TAX1BP1: variants seen among roughly 807,000 people sequenced by gnomAD.
TAX1BP1 encodes Tax1 binding protein 1, also known as tax1-binding protein 1.
In TAX1BP1, 62 loss-of-function variants were observed where a neutral mutation model predicts 97.7. The observed-to-expected ratio is 0.63, with a 90% CI of 0.52 to 0.78. The LOEUF (loss-of-function observed/expected upper bound fraction) is 0.78, where lower values mean the gene tolerates loss of function less well. Among genes scored for constraint, TAX1BP1 ranks in the 30% least tolerant of loss-of-function variants. The pLI is 0.00. For missense variants in TAX1BP1, 867 were observed against 916.1 expected, an observed-to-expected ratio of 0.95 and a Z score of 0.69; for synonymous variants, 340 against 304.2, an observed-to-expected ratio of 1.12 and a Z score of -1.23.
chr7:27,766,687 G>A (rs1336878944), intron 4 of TAX1BP1, among the ~76,000 whole-genome samples: 2 of 152,038 alleles, frequency 1.3e-5, no homozygotes, highest in East Asian at 1.9e-4. Flanking sequence ...TTGTGGTGGC[G>A]TAATCAGTTC....
intron 12 of TAX1BP1, among the ~76,000 whole-genome samples, chr7:27,799,379 G>A (rs980024277): frequency 4.6e-5 from 7 of 152,178 alleles, no homozygotes; most frequent in Non-Finnish European, 8.8e-5. Context: ...GTAGAGAAGA[G>A]CAATGTATAA....
chr7:27,814,928 G>A (rs187863091), intron 13 of TAX1BP1, among the ~76,000 whole-genome samples: 1 of 152,114 alleles, frequency 6.6e-6, no homozygotes, highest in Admixed American at 6.5e-5. Flanking sequence ...TAGTAGAGAC[G>A]GGATTCCACC....
In TAX1BP1 at chr7:27,787,511, A is replaced by C. The variant is rs778797677; in HGVS notation, c.946A>C (p.Thr316Pro). 1 of 1,613,680 alleles carries C rather than the reference A, an allele frequency of 6.2e-7. No individual in the cohort carries two copies. The highest frequency in any genetic ancestry group is 8.5e-7 in the Non-Finnish European group (1 of 1,179,800). The change falls in exon 8 of 17, where the codon ACT (threonine) becomes CCT (proline). Residue 316 changes from threonine to proline, a missense_variant. By Grantham distance (38) the Thr-to-Pro change is conservative (BLOSUM62 -1). This residue lies in a region of TAX1BP1 where 822 missense variants were observed against 851.4 expected (regional missense o/e 0.97). Coordinates refer to ENST00000396319, the MANE Select transcript of TAX1BP1 (RefSeq NM_006024.7). ...AGATGGGAACAAAGAAAGCGTGATT[A>C]CTCATTTCAAAGAAGAGATTGGCAG... is the stretch of plus-strand genomic sequence containing the variant. The part of the protein sequence containing the change: ...NLDGNKESVI[T>P]HFKEEIGRLQ...
At chr7:27,802,614 G>A (rs1382512639) in intron 13 of TAX1BP1, among the ~76,000 whole-genome samples, 1 of 152,192 alleles carries the variant, frequency 6.6e-6, no homozygotes, top group African/African-American at 2.4e-5. Context: ...TCACAGTGTA[G>A]TCTGAGATTG....
chr7:27,787,346 T>TTTG, intron 7 of TAX1BP1, 72 bp from the exon 8 acceptor site: 1 of 1,312,814 alleles, frequency 7.6e-7, no homozygotes, highest in Non-Finnish European at 1.0e-6. Context: ...AGAAATATAA[T>TTTG]GGTATTTTAA....
intron 4 of TAX1BP1, 99 bp from the exon 5 acceptor site, chr7:27,769,577 T>G (rs1788767263): frequency 3.1e-6 from 3 of 977,648 alleles, no homozygotes; most frequent in East Asian, 5.3e-5. Context: ...TTTCTGTGAA[T>G]GTCTTCATTA....
chr7:27,799,691 T>C (rs1378057889), intron 12 of TAX1BP1, among the ~76,000 whole-genome samples: 1 of 152,200 alleles, frequency 6.6e-6, no homozygotes, highest in Admixed American at 6.5e-5. Context: ...TTATATATTC[T>C]ATTTTAGCAA....
intron 3 of TAX1BP1, among the ~76,000 whole-genome samples, chr7:27,759,745 T>A (rs929121831): frequency 6.6e-6 from 1 of 152,138 alleles, no homozygotes; most frequent in African/African-American, 2.4e-5. Context: ...ATTGTATGAA[T>A]CACTACTTTA....
rs1782606309 is a variant in TAX1BP1 at position 27,829,299 on chromosome 7, T to C, written c.*470T>C. 1 of 152,456 alleles carries C rather than the reference T, an allele frequency of 6.6e-6. No homozygotes were observed. Among genetic ancestry groups the C allele is most frequent in the African/African-American group, 2.4e-5 (1 of 41,472 alleles). The allele number at this position is 152,456 out of a possible 1,614,324, so 9.4% of individuals were successfully genotyped here. ...AGTTCTTCGAATATAGAAAGTTCTATAATTTAGCCCATGAAATGATAGGTT... is the reference window on the plus strand; with the variant it reads ...AGTTCTTCGAATATAGAAAGTTCTACAATTTAGCCCATGAAATGATAGGTT... On this transcript the variant is annotated 3_prime_UTR_variant, in exon 17 of 17. Coordinates refer to ENST00000396319, the MANE Select transcript of TAX1BP1 (RefSeq NM_006024.7).
intron 5 of TAX1BP1, among the ~76,000 whole-genome samples, chr7:27,784,184 A>G (rs1368447290): frequency 6.6e-6 from 1 of 152,114 alleles, no homozygotes; most frequent in Non-Finnish European, 1.5e-5. Flanking sequence ...TGATTTTTTT[A>G]GTTTTTGTTG....
rs1046586169 is a variant in TAX1BP1, at chr7:27,740,220, A to G, written c.-57A>G. On this transcript the variant is annotated 5_prime_UTR_variant, in exon 1 of 17. Coordinates refer to ENST00000396319, the MANE Select transcript of TAX1BP1 (RefSeq NM_006024.7). ...GTTCGGCGGCTGATGGCGGATCAGG[A>G]TCGGAAGCCTGCGTAACTTTCTCCC... 5.2e-5 allele frequency: 8 copies of G among 152,452 alleles called. No individual in the cohort carries two copies. Among genetic ancestry groups the G allele is most frequent in the African/African-American group, 1.9e-4 (8 of 41,444 alleles). 9.4% of individuals were successfully genotyped at this position (152,452 alleles called of 1,614,324 possible).
intron 13 of TAX1BP1, among the ~76,000 whole-genome samples, chr7:27,804,926 G>A (rs922763284): frequency 1.3e-5 from 2 of 152,066 alleles, no homozygotes; most frequent in African/African-American, 4.8e-5. Flanking sequence ...CCAACTTCCT[G>A]TATTTGGCCA....
At chr7:27,745,442 A>G (rs112451682) in intron 1 of TAX1BP1, among the ~76,000 whole-genome samples, 1,634 of 152,254 alleles carry the variant, frequency 0.011, 18 homozygotes, top group African/African-American at 0.033. Flanking sequence ...GTTGATAATG[A>G]CATAATTATA....
chr7:27,795,477 T>C (rs992050814), intron 11 of TAX1BP1, among the ~76,000 whole-genome samples: 12 of 152,154 alleles, frequency 7.9e-5, no homozygotes, highest in South Asian at 2.1e-4. Flanking sequence ...GAGTATGGTT[T>C]TCCTACTTAC....
chr7:27,791,363 A>T (rs1474503418), intron 8 of TAX1BP1, among the ~76,000 whole-genome samples: 3 of 152,204 alleles, frequency 2.0e-5, no homozygotes, highest in Non-Finnish European at 4.4e-5. Context: ...TTAAACATTA[A>T]TATTAAAGGA....
At chr7:27,766,894 T>C (rs1439479392) in intron 4 of TAX1BP1, among the ~76,000 whole-genome samples, 1 of 152,186 alleles carries the variant, frequency 6.6e-6, no homozygotes, top group African/African-American at 2.4e-5. Context: ...GTTGTACTTC[T>C]GATGAAATGA....
At chr7:27,754,597 C>G (rs1461901360) in intron 2 of TAX1BP1, among the ~76,000 whole-genome samples, 1 of 151,828 alleles carries the variant, frequency 6.6e-6, no homozygotes, top group African/African-American at 2.4e-5. Context: ...TTTTTTGAGA[C>G]AGTCTCGCTC....
rs547284506 is a variant in TAX1BP1 at position 27,812,260 on chromosome 7, G to A, written c.1765-4089G>A. 7.2e-5 allele frequency among the ~76,000 whole-genome samples: 11 copies of A among 152,272 alleles called. No homozygotes were observed. In the South Asian group the frequency reaches 1.4e-3, roughly 20 times the overall value. ...TTTCCCTGATAACTAGTGATGCTGA[G>A]CATCTTTTCATGTGCTTGCAGGCCA... is the stretch of plus-strand genomic sequence containing the variant. On this transcript the variant is annotated intron_variant, in intron 13 of 16. Coordinates refer to ENST00000396319, the MANE Select transcript of TAX1BP1 (RefSeq NM_006024.7).
chr7:27,792,505 T>C (rs538767539), intron 9 of TAX1BP1, among the ~76,000 whole-genome samples: 8 of 152,352 alleles, frequency 5.3e-5, no homozygotes, highest in African/African-American at 1.9e-4. Context: ...GTTTGGAATT[T>C]CTTACTAGCT....
Sources: gnomAD v4.1 joint callset for allele counts (sites outside exome capture counted in the v4.1 genomes callset) on GRCh38, gnomAD v4.1.1 for gene constraint, gnomAD v4.1.1 regional missense constraint, MANE v1.5 for transcripts, NCBI Gene and HGNC (gene_info 2026-07-23, HGNC 2026-07-21) for gene names.